Variants in SLC25A18 observed in about 807,000 individuals in gnomAD.
The protein encoded by SLC25A18 is mitochondrial glutamate carrier 2.
SLC25A18 carries 24 observed loss-of-function variants against 31.1 expected under a neutral mutation model. The observed-to-expected ratio is 0.77, with a 90% CI of 0.56 to 1.08. The LOEUF is 1.08. SLC25A18 is among the 50% of genes least tolerant of loss of function. SLC25A18 has a pLI of 0.00. For missense variants in SLC25A18, 371 were observed against 418.5 expected (o/e 0.89, Z 0.99); for synonymous variants, 173 against 161.9 (o/e 1.07, Z -0.52).
intron 7 of SLC25A18, chr22:17,585,463 A>AATC (rs2057516611): frequency 6.6e-6 from 1 of 151,996 alleles, no homozygotes; most frequent in African/African-American, 2.4e-5. Flanking sequence ...GCTGGATACC[A>AATC]ATCAAATCTG....
At chr22:17,573,580 C>A (rs1328729752) in intron 2 of SLC25A18, among the ~76,000 whole-genome samples, 1 of 152,164 alleles carries the variant, frequency 6.6e-6, no homozygotes, top group East Asian at 1.9e-4. Context: ...TTCTGTCAAG[C>A]CGGTGTGCCT....
At chr22:17,576,156 A>C (rs2057224447) in intron 2 of SLC25A18, among the ~76,000 whole-genome samples, 1 of 152,112 alleles carries the variant, frequency 6.6e-6, no homozygotes, top group African/African-American at 2.4e-5. Flanking sequence ...GATGGAGACC[A>C]TCTTGGCCAA....
At chr22:17,576,268 C>T (rs1202884975) in intron 2 of SLC25A18, among the ~76,000 whole-genome samples, 2 of 151,886 alleles carry the variant, frequency 1.3e-5, no homozygotes, top group Non-Finnish European at 2.9e-5. Flanking sequence ...AGGAGAATAG[C>T]TTGAACCCAG....
chr22:17,565,225 T>C (rs174364), intron 1 of SLC25A18, among the ~76,000 whole-genome samples: 49,621 of 151,538 alleles, frequency 0.33, 8,244 homozygotes, highest in South Asian at 0.4. Flanking sequence ...GGACTACAGG[T>C]GCCTGCCACT....
At position 17,590,527 on chromosome 22, in the gene SLC25A18, G is replaced by C. The variant is rs2057686895; in HGVS notation, c.*291G>C. ...GGTACTTTCGTTGTATTAATTGCAG[G>C]ACCTTAACAGGTAGTCACAATAGAA... On this transcript the variant is annotated 3_prime_UTR_variant, in exon 11 of 11. Coordinates refer to ENST00000327451, the MANE Select transcript of SLC25A18 (RefSeq NM_031481.3). 3.0e-6 allele frequency: 1 copy of C among 328,376 alleles called. No individual in the cohort carries two copies. Among genetic ancestry groups the C allele is most frequent in the African/African-American group, 2.1e-5 (1 of 48,576 alleles). 20.3% of individuals were successfully genotyped at this position (328,376 alleles called of 1,614,324 possible).
At chr22:17,569,011 A>C (rs1177996301) in intron 1 of SLC25A18, among the ~76,000 whole-genome samples, 1 of 147,830 alleles carries the variant, frequency 6.8e-6, no homozygotes, top group Non-Finnish European at 1.5e-5. Context: ...CCTCTTCTTT[A>C]CTTTTTTTTT....
At chr22:17,589,924 A>T (rs760559560) in intron 10 of SLC25A18, among the ~76,000 whole-genome samples, 171 bp from the exon 11 acceptor site, 3 of 152,202 alleles carry the variant, frequency 2.0e-5, no homozygotes, top group Non-Finnish European at 4.4e-5. Context: ...ATAAGTAACC[A>T]ACCTGCATGC....
intron 7 of SLC25A18, among the ~76,000 whole-genome samples, chr22:17,585,632 T>TTTATTA (rs1321633226): frequency 1.8e-4 from 26 of 140,880 alleles, no homozygotes; most frequent in African/African-American, 4.9e-4. Context: ...TATTATTTAT[T>TTTATTA]TTATTATTAT....
intron 3 of SLC25A18, chr22:17,580,756 C>T: frequency 2.5e-6 from 3 of 1,197,586 alleles, no homozygotes; most frequent in East Asian, 4.1e-5. Context: ...CAGAGCGGTG[C>T]CCTGGTGGCG....
At chr22:17,589,804 G>T in intron 10 of SLC25A18, 139 bp downstream of exon 10, 1 of 834,370 alleles carries the variant, frequency 1.2e-6, no homozygotes, top group Non-Finnish European at 1.9e-6. Flanking sequence ...ACCTCTCAAA[G>T]AAAACAGAAT....
At position 17,587,249 on chromosome 22, in the gene SLC25A18, C is replaced by T. The variant is rs140174333; in HGVS notation, c.523C>T (p.Arg175Cys). 5.6e-5 allele frequency: 91 copies of T among 1,614,024 alleles called. No individual in the cohort carries two copies. In the Middle Eastern group the frequency reaches 2.1e-3, roughly 38 times the overall value. Residue 175 changes from arginine (R) to cysteine (C), a missense_variant, in exon 8 of 11, where the codon CGC becomes TGC. Coordinates refer to ENST00000327451, the MANE Select transcript of SLC25A18 (RefSeq NM_031481.3). ...SATLIAWELL[R>C]TQGLAGLYRG... ...CACCCTCATTGCCTGGGAGCTGCTC[C>T]GCACTCAGGGCCTGGCTGGGCTCTA...
At chr22:17,574,089 C>T (rs1247035721) in intron 2 of SLC25A18, among the ~76,000 whole-genome samples, 1 of 152,114 alleles carries the variant, frequency 6.6e-6, no homozygotes, top group Non-Finnish European at 1.5e-5. Flanking sequence ...AAAAAAATAG[C>T]CTGACATGGT....
intron 7 of SLC25A18, chr22:17,584,051 A>C (rs2057453668): frequency 1.0e-6 from 1 of 985,162 alleles, no homozygotes; most frequent in South Asian, 4.7e-5. Context: ...AAAATACTTA[A>C]GGCTTCTGTC....
chr22:17,564,116 G>A (rs1395182419), intron 1 of SLC25A18, among the ~76,000 whole-genome samples: 1 of 152,194 alleles, frequency 6.6e-6, no homozygotes, highest in Non-Finnish European at 1.5e-5. Context: ...GACGAAGACT[G>A]TGTAATTCAG....
intron 2 of SLC25A18, among the ~76,000 whole-genome samples, chr22:17,572,680 C>T (rs1379291117): frequency 8.8e-5 from 10 of 113,504 alleles, no homozygotes; most frequent in African/African-American, 3.6e-4. Context: ...CTCGCTTTGT[C>T]GCCCAGGCTG....
In SLC25A18 at chr22:17,579,782, G is replaced by C; in HGVS notation, c.-163G>C. 7.1e-7 allele frequency: 1 copy of C among 1,407,252 alleles called. No individual in the cohort carries two copies. The highest frequency in any genetic ancestry group is 9.3e-7 in the Non-Finnish European group (1 of 1,079,450). 87.2% of individuals were successfully genotyped at this position (1,407,252 alleles called of 1,614,324 possible). ...CAGCCCAAGGAGGTCGTCACTTGCC[G>C]GGAAGGTGGCTCGGGCCAGGCTGCA... On this transcript the variant is annotated 5_prime_UTR_variant, in exon 3 of 11. Coordinates refer to ENST00000327451, the MANE Select transcript of SLC25A18 (RefSeq NM_031481.3).
At position 17,568,997 on chromosome 22, in the gene SLC25A18, G is replaced by C. The variant is rs374280168; in HGVS notation, c.-263-927G>C. The stretch of plus-strand genomic sequence containing the variant: ...AGATGGGGAGGAAAGTCTTTTAAGA[G>C]GAACCTCTTCTTTACTTTTTTTTTT... On this transcript the variant is annotated intron_variant, in intron 1 of 10. Coordinates refer to ENST00000327451, the MANE Select transcript of SLC25A18 (RefSeq NM_031481.3). Among the ~76,000 whole-genome samples, 81 of 151,910 alleles carry C rather than the reference G, an allele frequency of 5.3e-4. 3 individuals carry two copies. The South Asian group carries it at 0.016, about 30-fold the overall frequency.
At chr22:17,565,406 A>G (rs1054093869) in intron 1 of SLC25A18, among the ~76,000 whole-genome samples, 3 of 151,910 alleles carry the variant, frequency 2.0e-5, no homozygotes, top group African/African-American at 7.3e-5. Flanking sequence ...TAATAGAGAT[A>G]GGGTCTTGCC....
rs1414945426 is a variant in SLC25A18 at position 17,586,703 on chromosome 22, C to A, written c.410-433C>A. Among the ~76,000 whole-genome samples the A allele has an allele frequency of 2.0e-5, 3 of 152,104 alleles. No individual in the cohort carries two copies. In the East Asian group the frequency reaches 5.8e-4, roughly 29 times the overall value. On this transcript the variant is annotated intron_variant, in intron 7 of 10. Coordinates refer to ENST00000327451, the MANE Select transcript of SLC25A18 (RefSeq NM_031481.3). Reference sequence around the variant, plus strand: ...CTGAGGCAGGAGAATCACTTGAACCCAGGAGGCAGAGGTTGCAGTGAGCCG... The same window carrying A: ...CTGAGGCAGGAGAATCACTTGAACCAAGGAGGCAGAGGTTGCAGTGAGCCG...
Sources: gnomAD v4.1 joint callset for allele counts (sites outside exome capture counted in the v4.1 genomes callset) on GRCh38, gnomAD v4.1.1 for gene constraint, MANE v1.5 for transcripts, NCBI Gene and HGNC (gene_info 2026-07-23, HGNC 2026-07-21) for gene names.